ZYG11B: variants seen among roughly 807,000 people sequenced by gnomAD.
ZYG11B encodes the protein protein zyg-11 homolog B.
In ZYG11B, 36 loss-of-function variants were observed where a neutral mutation model predicts 82.4. The observed-to-expected ratio is 0.44, with a 90% CI of 0.33 to 0.58. The LOEUF (loss-of-function observed/expected upper bound fraction) is 0.58, where lower values mean the gene tolerates loss of function less well. Among genes scored for constraint, ZYG11B ranks in the 20% least tolerant of loss-of-function variants. The probability of loss-of-function intolerance (pLI) is 0.02; values close to 1 mark genes in which losing one functional copy is unlikely to be tolerated. For missense variants in ZYG11B, 552 were observed against 895.6 expected (o/e 0.62, Z 4.90); for synonymous variants, 303 against 312.8 (o/e 0.97, Z 0.33).
At chr1:52,783,882 A>ACATACACGTGTGTG (rs1553260823) in intron 4 of ZYG11B, among the ~76,000 whole-genome samples, 66 of 126,006 alleles carry the variant, frequency 5.2e-4, no homozygotes, top group Non-Finnish European at 8.0e-4. Flanking sequence ...ACGTGTGTGT[A>ACATACACGTGTGTG]TATGTACATA....
intron 1 of ZYG11B, among the ~76,000 whole-genome samples, chr1:52,745,346 A>G (rs1364995168): frequency 6.6e-6 from 1 of 152,188 alleles, no homozygotes; most frequent in African/African-American, 2.4e-5. Context: ...AAGGTTTAGG[A>G]AGAGCTAATG....
At chr1:52,779,370 A>G (rs1043145426) in intron 3 of ZYG11B, among the ~76,000 whole-genome samples, 1 of 152,202 alleles carries the variant, frequency 6.6e-6, no homozygotes, top group Non-Finnish European at 1.5e-5. Flanking sequence ...TATCTAATAT[A>G]CATCTCTTCA....
chr1:52,781,018 C>CCACCCAGCTACT (rs1644852044), intron 4 of ZYG11B, among the ~76,000 whole-genome samples: 1 of 151,628 alleles, frequency 6.6e-6, no homozygotes, highest in South Asian at 2.1e-4. Flanking sequence ...GTGGTGCACG[C>CCACCCAGCTACT]CAGTAATCCC....
intron 1 of ZYG11B, among the ~76,000 whole-genome samples, chr1:52,746,251 G>A (rs1021888848): frequency 2.0e-5 from 3 of 152,106 alleles, no homozygotes; most frequent in African/African-American, 7.2e-5. Flanking sequence ...CGCACCTGGC[G>A]AATATTTAAC....
intron 10 of ZYG11B, among the ~76,000 whole-genome samples, chr1:52,803,117 TACACAC>T (rs1172652923): frequency 0.027 from 680 of 25,090 alleles, 28 homozygotes; most frequent in East Asian, 0.074. Context: ...TATATATATA[TACACAC>T]ATATATATAT....
chr1:52,803,119 CACACATATAT>C (rs1645096558), intron 10 of ZYG11B, among the ~76,000 whole-genome samples: 1 of 54,852 alleles, frequency 1.8e-5, no homozygotes, highest in African/African-American at 1.1e-4. Flanking sequence ...TATATATATA[CACACATATAT>C]ATATACACAC....
At chr1:52,789,870 C>G (rs1644942055) in intron 5 of ZYG11B, 133 bp from the exon 6 acceptor site, 1 of 531,306 alleles carries the variant, frequency 1.9e-6, no homozygotes, top group African/African-American at 2.0e-5. Context: ...ACTAGGGGGG[C>G]AGATAAAGAT....
At chr1:52,760,497 C>G (rs1403479881) in intron 2 of ZYG11B, among the ~76,000 whole-genome samples, 1 of 152,102 alleles carries the variant, frequency 6.6e-6, no homozygotes, top group African/African-American at 2.4e-5. Flanking sequence ...CATACTGTTT[C>G]TAATAGCATA....
rs1260755576 is a variant in ZYG11B, at chr1:52,729,669, G to A, written c.30+2986G>A. On this transcript the variant is annotated intron_variant, in intron 1 of 13. Transcript: ENST00000294353. ...AGCCTGGCCAACATGGCAAAGCCTC[G>A]TCTCTACTAAAAATACAAAAATTAG... Among the ~76,000 whole-genome samples, 6 of 152,302 alleles carry A rather than the reference G, an allele frequency of 3.9e-5. No homozygotes were observed. In the South Asian group the frequency reaches 8.3e-4, roughly 21 times the overall value.
At chr1:52,791,476 C>A (rs1156863748) in intron 6 of ZYG11B, among the ~76,000 whole-genome samples, 1 of 151,992 alleles carries the variant, frequency 6.6e-6, no homozygotes, top group African/African-American at 2.4e-5. Flanking sequence ...TCAAGCAATT[C>A]TCCTGCTTTA....
chr1:52,750,748 C>G, intron 1 of ZYG11B, among the ~76,000 whole-genome samples: 1 of 152,158 alleles, frequency 6.6e-6, no homozygotes, highest in Admixed American at 6.6e-5. Context: ...TGCCCACTAG[C>G]ATTCACTTTC....
chr1:52,774,592 C>G (rs1644787607), intron 3 of ZYG11B, among the ~76,000 whole-genome samples: 1 of 144,076 alleles, frequency 6.9e-6, no homozygotes, highest in South Asian at 2.2e-4. Context: ...CAGGCGTGAG[C>G]CACTGTGCCT....
chr1:52,727,967 ATATAC>A (rs781058292), intron 1 of ZYG11B, among the ~76,000 whole-genome samples: 1 of 152,174 alleles, frequency 6.6e-6, no homozygotes, highest in African/African-American at 2.4e-5. Flanking sequence ...TAGAAAAGTA[ATATAC>A]TATAAAATTA....
At chr1:52,739,634 T>G (rs938800060) in intron 1 of ZYG11B, among the ~76,000 whole-genome samples, 10 of 152,002 alleles carry the variant, frequency 6.6e-5, no homozygotes, top group South Asian at 6.2e-4. Flanking sequence ...TTTAATTTGT[T>G]TTTTTTTGAG....
chr1:52,763,112 G>T lies in ZYG11B; in HGVS notation c.196+6489G>T, dbSNP rs948019725. ...AAAAATCAGTTGATCGTAGATACGT[G>T]AATTAATTTCTAGGGTTTCTCTTCT... On this transcript the variant is annotated intron_variant, in intron 2 of 13. Coordinates refer to ENST00000294353, the MANE Select transcript of ZYG11B (RefSeq NM_024646.3). Among the ~76,000 whole-genome samples the T allele has an allele frequency of 8.4e-4, 128 of 152,124 alleles. 1 individual carries two copies. Among genetic ancestry groups the T allele is most frequent in the African/African-American group, 3.0e-3 (123 of 41,496 alleles).
chr1:52,743,601 G>C (rs931412882), intron 1 of ZYG11B, among the ~76,000 whole-genome samples: 1 of 151,804 alleles, frequency 6.6e-6, no homozygotes, highest in Non-Finnish European at 1.5e-5. Context: ...GTAGTCCCAC[G>C]TATTATTCCA....
chr1:52,754,875 A>G (rs1248866759), intron 1 of ZYG11B, among the ~76,000 whole-genome samples: 1 of 151,380 alleles, frequency 6.6e-6, no homozygotes, highest in Non-Finnish European at 1.5e-5. Context: ...TAATTTTTCT[A>G]TATGATGTGA....
intron 12 of ZYG11B, 21 bp downstream of exon 12, chr1:52,813,933 C>T: frequency 6.2e-7 from 1 of 1,611,968 alleles, no homozygotes; most frequent in Non-Finnish European, 8.5e-7. Context: ...TCATAATTAA[C>T]AGTAAACCAG....
At chr1:52,734,480 AAAAAAAT>A (rs1279493296) in intron 1 of ZYG11B, among the ~76,000 whole-genome samples, 2 of 151,652 alleles carry the variant, frequency 1.3e-5, no homozygotes, top group Admixed American at 6.6e-5. Context: ...GCCATCTCAA[AAAAAAAT>A]AAAAAATAAA....
Sources: allele counts gnomAD v4.1 joint callset (sites outside exome capture counted in the v4.1 genomes callset), GRCh38; gene constraint gnomAD v4.1.1; transcripts MANE v1.5; gene names NCBI Gene and HGNC (gene_info 2026-07-23, HGNC 2026-07-21).